Variants in JMJD1C observed in about 807,000 individuals in gnomAD.
JMJD1C encodes the protein jumonji domain containing 1C.
In JMJD1C, 31 loss-of-function variants were observed where a neutral mutation model predicts 245.3. That is an observed-to-expected ratio of 0.13 (90% CI 0.09 to 0.17). JMJD1C has a LOEUF of 0.17. Among genes scored for constraint, JMJD1C ranks in the 10% least tolerant of loss-of-function variants. The pLI is 1.00. For missense variants in JMJD1C, 2,691 were observed against 3,000.2 expected (o/e 0.90, Z 2.41); for synonymous variants, 1,057 against 1,017.4 (o/e 1.04, Z -0.74).
chr10:63,247,507 AAAG>A (rs905107920), intron 3 of JMJD1C, among the ~76,000 whole-genome samples: 5 of 152,188 alleles, frequency 3.3e-5, no homozygotes, highest in African/African-American at 1.2e-4. Flanking sequence ...TTGAAAGGAC[AAAG>A]AAGGTGGATC....
intron 1 of JMJD1C, among the ~76,000 whole-genome samples, chr10:63,456,302 C>T (rs1215705446): frequency 1.3e-5 from 2 of 151,950 alleles, no homozygotes; most frequent in East Asian, 3.9e-4. Context: ...AGAACATAGA[C>T]CAAATAATAG....
At chr10:63,204,886 T>A in intron 10 of JMJD1C, 2 of 985,446 alleles carry the variant, frequency 2.0e-6, no homozygotes, top group African/African-American at 3.5e-5. Flanking sequence ...CTCATTCAGT[T>A]AAAAGGCACA....
intron 1 of JMJD1C, among the ~76,000 whole-genome samples, chr10:63,448,845 C>T (rs896532251): frequency 2.6e-5 from 4 of 152,104 alleles, no homozygotes; most frequent in African/African-American, 9.7e-5. Flanking sequence ...AGGTCGGGCG[C>T]GGTGGCTCAC....
At chr10:63,323,323 A>G (rs1379779234) in intron 2 of JMJD1C, among the ~76,000 whole-genome samples, 2 of 152,178 alleles carry the variant, frequency 1.3e-5, no homozygotes, top group Admixed American at 6.5e-5. Flanking sequence ...CAGGAGTTTG[A>G]GTCCATCCTG....
At chr10:63,239,514 G>C (rs879320610) in intron 3 of JMJD1C, among the ~76,000 whole-genome samples, 2 of 151,984 alleles carry the variant, frequency 1.3e-5, no homozygotes, top group Admixed American at 6.6e-5. Flanking sequence ...GCACAATCTT[G>C]GCTCACTGCA....
intron 1 of JMJD1C, among the ~76,000 whole-genome samples, chr10:63,394,227 T>A (rs925872380): frequency 6.9e-6 from 1 of 144,334 alleles, no homozygotes; most frequent in East Asian, 2.0e-4. Flanking sequence ...GTATATGGCA[T>A]CAAAAAAAAC....
In JMJD1C at chr10:63,474,263, G is replaced by A. The variant is rs74417043; in HGVS notation, n.113+47475C>T. On this transcript the variant is annotated intron_variant and non_coding_transcript_variant, in intron 1 of 3. Transcript: ENST00000633035. ...GGATATAGAAATATGGAAAAAGTAT[G>A]TTAGATGCTTTGGTCAACTGATTGC... Among the ~76,000 whole-genome samples the A allele has an allele frequency of 5.6e-4, 86 of 152,214 alleles. No homozygotes were observed. The East Asian group carries it at 0.011, about 20-fold the overall frequency.
chr10:63,231,516 G>A (rs543155001), intron 3 of JMJD1C, among the ~76,000 whole-genome samples: 12 of 152,252 alleles, frequency 7.9e-5, no homozygotes, highest in South Asian at 2.1e-4. Flanking sequence ...GAAATAGGCC[G>A]GGCACAGTGG....
chr10:63,357,078 G>C (rs1944908059), intron 2 of JMJD1C, among the ~76,000 whole-genome samples: 1 of 151,780 alleles, frequency 6.6e-6, no homozygotes, highest in Non-Finnish European at 1.5e-5. Context: ...TCTGTCGCCA[G>C]GCTGGAGTGC....
At chr10:63,418,264 C>CT (rs926797536) in intron 1 of JMJD1C, among the ~76,000 whole-genome samples, 7 of 152,134 alleles carry the variant, frequency 4.6e-5, no homozygotes, top group African/African-American at 1.4e-4. Context: ...CCAATGCTAC[C>CT]TGGTCTGGGG....
intron 3 of JMJD1C, among the ~76,000 whole-genome samples, chr10:63,220,938 C>T (rs1292864209): frequency 1.3e-5 from 2 of 151,982 alleles, no homozygotes; most frequent in Non-Finnish European, 2.9e-5. Flanking sequence ...GAAACCCCAT[C>T]TCTACTAAAA....
chr10:63,507,415 G>T (rs991255255), intron 1 of JMJD1C, among the ~76,000 whole-genome samples: 3 of 151,874 alleles, frequency 2.0e-5, no homozygotes, highest in Non-Finnish European at 4.4e-5. Context: ...AGGCTGAGGC[G>T]GGGGGATCAC....
At position 63,257,603 on chromosome 10, in the gene JMJD1C, A is replaced by G. The variant is rs796810178; in HGVS notation, c.447+7048T>C. 7.9e-5 allele frequency among the ~76,000 whole-genome samples: 12 copies of G among 152,332 alleles called. 1 individual carries two copies. The highest frequency in any genetic ancestry group is 2.9e-4 in the African/African-American group (12 of 41,586). On this transcript the variant is annotated intron_variant, in intron 3 of 25. Transcript: ENST00000399262. ...AAAGTGTCTTCCCAGAGCCAAACAA[A>G]GAAAAATAATTTTGTACCTTATTGA...
At chr10:63,377,066 A>T (rs188080664) in intron 2 of JMJD1C, among the ~76,000 whole-genome samples, 1 of 152,364 alleles carries the variant, frequency 6.6e-6, no homozygotes, top group African/African-American at 2.4e-5. Flanking sequence ...GTGGTGTATA[A>T]ACACAATGGA....
At chr10:63,396,349 G>C (rs185723104) in intron 1 of JMJD1C, among the ~76,000 whole-genome samples, 1 of 152,194 alleles carries the variant, frequency 6.6e-6, no homozygotes, top group Non-Finnish European at 1.5e-5. Context: ...GCACAAATTA[G>C]TCCCTGAACA....
chr10:63,314,900 C>T (rs1055736207), intron 2 of JMJD1C, among the ~76,000 whole-genome samples: 1 of 151,008 alleles, frequency 6.6e-6, no homozygotes, highest in Non-Finnish European at 1.5e-5. Context: ...CTGCCTGCCT[C>T]GGCCTCCCAA....
chr10:63,173,993 C>G (rs747385218), intron 24 of JMJD1C, among the ~76,000 whole-genome samples: 1 of 152,158 alleles, frequency 6.6e-6, no homozygotes, highest in African/African-American at 2.4e-5. Context: ...CCATGAGACA[C>G]CACTGTACAC....
chr10:63,184,767 A>T, intron 20 of JMJD1C, 29 bp from the exon 21 acceptor site: 1 of 1,584,510 alleles, frequency 6.3e-7, no homozygotes, highest in Non-Finnish European at 8.6e-7. Context: ...GCCTTCTTAT[A>T]AATAAAGATT....
intron 16 of JMJD1C, among the ~76,000 whole-genome samples, 190 bp from the exon 17 acceptor site, chr10:63,191,298 A>T (rs1662374003): frequency 6.6e-6 from 1 of 151,950 alleles, no homozygotes; most frequent in Admixed American, 6.6e-5. Flanking sequence ...GGCCCAGCTA[A>T]TTTTTCTGTA....
Sources: allele counts gnomAD v4.1 joint callset (sites outside exome capture counted in the v4.1 genomes callset), GRCh38; gene constraint gnomAD v4.1.1; transcripts MANE v1.5; gene names NCBI Gene and HGNC (gene_info 2026-07-23, HGNC 2026-07-21).